The following ZDHHC15 variants were observed in gnomAD, a reference collection of about 807,000 sequenced individuals.
ZDHHC15 encodes the protein zDHHC palmitoyltransferase 15.
Under a neutral mutation model 31.7 loss-of-function variants are expected in ZDHHC15, and 19 were observed. That is an observed-to-expected ratio of 0.60 (90% CI 0.42 to 0.88). The LOEUF (loss-of-function observed/expected upper bound fraction) is 0.88, where lower values mean the gene tolerates loss of function less well. Ranked by LOEUF, ZDHHC15 falls within the 40% of genes least tolerant of loss-of-function variation. The pLI is 0.00. For missense variants in ZDHHC15, 209 were observed against 251.2 expected (o/e 0.83, Z 1.14); for synonymous variants, 103 against 90.0 (o/e 1.14, Z -0.82).
At chrX:75,422,188 T>A (rs1239056376) in intron 8 of ZDHHC15, among the ~76,000 whole-genome samples, 198 bp from the exon 9 acceptor site, 1 of 112,060 alleles carries the variant, frequency 8.9e-6, no homozygotes, top group East Asian at 2.8e-4. Flanking sequence ...TCACACAAAC[T>A]AAACTTGTTA....
intron 4 of ZDHHC15, among the ~76,000 whole-genome samples, chrX:75,434,492 A>G (rs1004698724): frequency 3.6e-5 from 4 of 112,059 alleles, no homozygotes; most frequent in Middle Eastern, 4.6e-3. Context: ...CTTCGATCCA[A>G]CTTGAGTTCA....
rs192630906 is a variant in ZDHHC15, at chrX:75,409,571, C to T, written c.967+7516G>A. ...CAGCACTTTGGGAGGCTGAGGCGGG[C>T]GGATCATGAGATCAGGAGATTGAGA... is the stretch of plus-strand genomic sequence containing the variant. On this transcript the variant is annotated intron_variant, in intron 10 of 11. Coordinates refer to ENST00000373367, the MANE Select transcript of ZDHHC15 (RefSeq NM_144969.3). 8.9e-5 allele frequency among the ~76,000 whole-genome samples: 9 copies of T among 101,469 alleles called. No individual in the cohort carries two copies. In the South Asian group the frequency reaches 4.1e-3, roughly 47 times the overall value. 88.1% of individuals were successfully genotyped at this position (101,469 alleles called of 115,157 possible).
At chrX:75,454,059 A>C (rs1472969033) in intron 3 of ZDHHC15, among the ~76,000 whole-genome samples, 1 of 111,666 alleles carries the variant, frequency 9.0e-6, no homozygotes, top group Non-Finnish European at 1.9e-5. Context: ...CAAGAGAACG[A>C]AATAAAGAGT....
chrX:75,495,070 C>T (rs776924793), intron 2 of ZDHHC15, among the ~76,000 whole-genome samples: 2 of 111,428 alleles, frequency 1.8e-5, no homozygotes, highest in East Asian at 5.6e-4. Flanking sequence ...CTACAATGAA[C>T]TTAAACAAAT....
At chrX:75,469,927 T>C (rs755312370) in intron 3 of ZDHHC15, among the ~76,000 whole-genome samples, 1 of 111,979 alleles carries the variant, frequency 8.9e-6, no homozygotes, top group Admixed American at 9.5e-5. Flanking sequence ...TTAAAAAAGA[T>C]TTTAATAAAG....
At chrX:75,427,985 G>T (rs2083734419) in intron 7 of ZDHHC15, among the ~76,000 whole-genome samples, 1 of 111,346 alleles carries the variant, frequency 9.0e-6, no homozygotes, top group Non-Finnish European at 1.9e-5. Flanking sequence ...TGGCTATTTA[G>T]GTTCCTATTG....
At chrX:75,388,540 AT>A (rs770208134) in intron 10 of ZDHHC15, among the ~76,000 whole-genome samples, 1 of 111,935 alleles carries the variant, frequency 8.9e-6, no homozygotes, top group African/African-American at 3.2e-5. Context: ...TCTATGACAT[AT>A]TTTTTGGTAA....
At chrX:75,449,555 A>G (rs1472978797) in intron 4 of ZDHHC15, among the ~76,000 whole-genome samples, 1 of 111,802 alleles carries the variant, frequency 8.9e-6, no homozygotes, top group Non-Finnish European at 1.9e-5. Flanking sequence ...CAAACCATAA[A>G]TATTTCCATA....
intron 4 of ZDHHC15, among the ~76,000 whole-genome samples, chrX:75,448,196 T>C (rs2084060028): frequency 8.9e-6 from 1 of 112,400 alleles, no homozygotes; most frequent in Non-Finnish European, 1.9e-5. Flanking sequence ...ATTAGGTCAA[T>C]GGAAAACCAC....
At chrX:75,501,786 T>A (rs1412106533) in intron 2 of ZDHHC15, 1 of 111,651 alleles carries the variant, frequency 9.0e-6, no homozygotes, top group East Asian at 2.8e-4. Context: ...CACTTTTCAA[T>A]GGGATTATTT....
intron 2 of ZDHHC15, among the ~76,000 whole-genome samples, chrX:75,488,903 T>C (rs1193461134): frequency 1.8e-5 from 2 of 111,920 alleles, no homozygotes; most frequent in African/African-American, 6.5e-5. Flanking sequence ...CCCACCCTAA[T>C]ACTGCACTTT....
intron 3 of ZDHHC15, among the ~76,000 whole-genome samples, chrX:75,474,657 A>T (rs980775622): frequency 1.0e-3 from 73 of 71,021 alleles, no homozygotes; most frequent in African/African-American, 3.1e-3. Flanking sequence ...ATTCCTGATC[A>T]TTGAGGTATC....
intron 8 of ZDHHC15, among the ~76,000 whole-genome samples, chrX:75,423,063 A>C (rs892778575): frequency 3.9e-5 from 4 of 103,141 alleles, no homozygotes; most frequent in South Asian, 4.8e-4. Flanking sequence ...CCCAGGCTGG[A>C]GTACAGTGGC....
intron 10 of ZDHHC15, among the ~76,000 whole-genome samples, chrX:75,400,701 TGAAA>T (rs1467518679): frequency 9.0e-6 from 1 of 110,690 alleles, no homozygotes; most frequent in Non-Finnish European, 1.9e-5. Context: ...AAGGTAGAAA[TGAAA>T]GAAAGAATGT....
intron 2 of ZDHHC15, among the ~76,000 whole-genome samples, chrX:75,503,704 G>A (rs746858805): frequency 1.8e-5 from 2 of 111,481 alleles, no homozygotes; most frequent in African/African-American, 6.5e-5. Context: ...GTGCATTAGA[G>A]AGTGAAATTT....
At chrX:75,464,326 C>T (rs927408713) in intron 3 of ZDHHC15, among the ~76,000 whole-genome samples, 1 of 110,786 alleles carries the variant, frequency 9.0e-6, no homozygotes, top group African/African-American at 3.3e-5. Flanking sequence ...AGGAGATATA[C>T]CTAATGTAAA....
At chrX:75,439,465 T>C (rs1423744924) in intron 4 of ZDHHC15, among the ~76,000 whole-genome samples, 2 of 112,126 alleles carry the variant, frequency 1.8e-5, no homozygotes, top group Non-Finnish European at 3.8e-5. Context: ...TTGTTGTAAC[T>C]TTCCAGTTTC....
intron 11 of ZDHHC15, among the ~76,000 whole-genome samples, chrX:75,377,394 T>C (rs1265817112): frequency 9.1e-6 from 1 of 109,324 alleles, no homozygotes; most frequent in Non-Finnish European, 1.9e-5. Flanking sequence ...CTACTTGGGT[T>C]CTGAGGCAGA....
At chrX:75,513,120 C>A (rs999803225) in intron 1 of ZDHHC15, among the ~76,000 whole-genome samples, 1 of 109,392 alleles carries the variant, frequency 9.1e-6, no homozygotes, top group African/African-American at 3.3e-5. Context: ...CTTCCTTACA[C>A]CTTATACAAA....
Sources: gnomAD v4.1 joint callset for allele counts (sites outside exome capture counted in the v4.1 genomes callset) on GRCh38, gnomAD v4.1.1 for gene constraint, MANE v1.5 for transcripts, NCBI Gene and HGNC (gene_info 2026-07-23, HGNC 2026-07-21) for gene names.